ARAP1: variants seen among roughly 807,000 people sequenced by gnomAD.
ARAP1 encodes the protein ArfGAP with RhoGAP domain, ankyrin repeat and PH domain 1, also known as arf-GAP with Rho-GAP domain, ANK repeat and PH domain-containing protein 1.
A neutral mutation model predicts 172.2 loss-of-function variants in ARAP1; 76 were observed. The observed-to-expected ratio is 0.44, with a 90% CI of 0.37 to 0.53. The LOEUF is 0.53. Among genes scored for constraint, ARAP1 ranks in the 20% least tolerant of loss-of-function variants. ARAP1 has a pLI of 0.00. For missense variants in ARAP1, 1,686 were observed against 1,977.5 expected (o/e 0.85, Z 2.80); for synonymous variants, 804 against 803.3 (o/e 1.00, Z -0.01).
At position 72,726,701 on chromosome 11, in the gene ARAP1, G is replaced by A. The variant is rs372690916; in HGVS notation, c.428C>T (p.Pro143Leu). Residue 143 changes from proline to leucine, a missense_variant, in exon 3 of 35, where the codon CCG (proline) becomes CTG (leucine). Transcript: ENST00000393609. The surrounding 1 kb of genome is among the most constrained non-coding windows in gnomAD (Gnocchi z 6.5). ...STAAPDPVLP[P>L]LPAKRHLAEL... Reference sequence around the variant, plus strand: ...TGCCAAATGCCGCTTAGCAGGCAGCGGGGGCAGCACAGGGTCTGGGGCAGC... The same window carrying A: ...TGCCAAATGCCGCTTAGCAGGCAGCAGGGGCAGCACAGGGTCTGGGGCAGC... The A allele has an allele frequency of 1.1e-4, 175 of 1,548,026 alleles. No individual in the cohort carries two copies. The African/African-American group carries it at 2.1e-3, about 18-fold the overall frequency.
chr11:72,702,203 C>T (rs1195340340), intron 15 of ARAP1, among the ~76,000 whole-genome samples: 1 of 152,206 alleles, frequency 6.6e-6, no homozygotes, highest in Non-Finnish European at 1.5e-5. Context: ...CGGTCAGCGC[C>T]GTGGGGGGGC....
Position 72,726,796 on chromosome 11 carries a change from G to A in ARAP1, c.333C>T (p.Leu111=). ...PLPTTTEDEG[L]PAAPPIPPRR... ...GGGGCGGGATGGGTGGGGCAGCGGG[G>A]AGCCCCTCATCCTCTGTAGTGGTGG... The change falls in exon 3 of 35, where the codon CTC becomes CTT. Residue 111 remains leucine (L), a synonymous_variant. Coordinates refer to ENST00000393609, the MANE Select transcript of ARAP1 (RefSeq NM_001040118.3). The surrounding 1 kb of genome is among the most constrained non-coding windows in gnomAD (Gnocchi z 6.5). 1.3e-6 allele frequency: 2 copies of A among 1,553,758 alleles called. No homozygotes were observed. The highest frequency in any genetic ancestry group is 4.8e-5 in the East Asian group (2 of 41,364).
At chr11:72,730,741 A>G (rs1443308684) in intron 2 of ARAP1, among the ~76,000 whole-genome samples, 5 of 152,200 alleles carry the variant, frequency 3.3e-5, no homozygotes, top group Non-Finnish European at 7.3e-5. Flanking sequence ...AGCCACCCAT[A>G]GGCACTTAGC....
rs892460893 is a variant in ARAP1, at chr11:72,734,246, G to A, written c.-127-1649C>T. 5.7e-4 allele frequency among the ~76,000 whole-genome samples: 86 copies of A among 152,106 alleles called. 2 individuals carry two copies. Among genetic ancestry groups the A allele is most frequent in the Admixed American group, 2.8e-3 (43 of 15,268 alleles). ...AGCAATCTTCCTGCCTCAGCCTCCT[G>A]AGTAGCTGGAACTACAAGTGCATGC... On this transcript the variant is annotated intron_variant, in intron 1 of 34. Coordinates refer to ENST00000393609, the MANE Select transcript of ARAP1 (RefSeq NM_001040118.3).
At chr11:72,746,157 C>G (rs1385044479) in intron 1 of ARAP1, among the ~76,000 whole-genome samples, 1 of 152,176 alleles carries the variant, frequency 6.6e-6, no homozygotes, top group African/African-American at 2.4e-5. Flanking sequence ...CACCAGCCCT[C>G]CCCAACCCCG....
intron 34 of ARAP1, 60 bp from the exon 35 acceptor site, chr11:72,685,741 G>A (rs561230618): frequency 8.4e-5 from 135 of 1,601,480 alleles, no homozygotes; most frequent in South Asian, 1.2e-4. Context: ...CTGGCGCCCC[G>A]CTGAAGCTGC....
At chr11:72,745,355 ATTT>A (rs35656290) in intron 1 of ARAP1, among the ~76,000 whole-genome samples, 6 of 110,742 alleles carry the variant, frequency 5.4e-5, no homozygotes, top group African/African-American at 2.1e-4. Flanking sequence ...CGTCCGGCTA[ATTT>A]TTTTTTTTTT....
At chr11:72,712,938 G>T in intron 5 of ARAP1, 1 of 600,218 alleles carries the variant, frequency 1.7e-6, no homozygotes, top group Non-Finnish European at 3.0e-6. Context: ...GAGGCCACAT[G>T]CCCACCCACA....
Position 72,707,392 on chromosome 11 carries a change from G to A in ARAP1, c.1524-18C>T, listed in dbSNP as rs1187172361. ...CAGAGAAGCTGGGGACATAGGGGTGGGGAGATTAGTGGGGATGGACTCAGA... is the reference window on the plus strand; with the variant it reads ...CAGAGAAGCTGGGGACATAGGGGTGAGGAGATTAGTGGGGATGGACTCAGA... On this transcript the variant is annotated intron_variant, in intron 11 of 34. Coordinates refer to ENST00000393609, the MANE Select transcript of ARAP1 (RefSeq NM_001040118.3). 1 of 1,603,178 alleles carries A rather than the reference G, an allele frequency of 6.2e-7. No homozygotes were observed. The highest frequency in any genetic ancestry group is 8.5e-7 in the Non-Finnish European group (1 of 1,173,538).
At position 72,695,470 on chromosome 11, in the gene ARAP1, G is replaced by A. The variant is rs781710172; in HGVS notation, c.3508-15C>T. 2 of 1,614,228 alleles carry A rather than the reference G, an allele frequency of 1.2e-6. No individual in the cohort carries two copies. The highest frequency in any genetic ancestry group is 2.2e-5 in the South Asian group (2 of 91,088). On this transcript the variant is annotated splice_polypyrimidine_tract_variant and intron_variant, in intron 25 of 34. Transcript: ENST00000393609. The surrounding 1 kb of genome is among the most constrained non-coding windows in gnomAD (Gnocchi z 4.4). ...TCACCGGCATGCTGCAGGGAGACAG[G>A]GCTCAGCTGGGGGCCTAGGAAATGG...
chr11:72,751,864 G>C (rs1331140987), intron 1 of ARAP1, among the ~76,000 whole-genome samples: 1 of 152,210 alleles, frequency 6.6e-6, no homozygotes, highest in African/African-American at 2.4e-5. Context: ...GGCCAGGTAG[G>C]GGCTCTGGGG....
chr11:72,692,627 G>A (rs1250665252), intron 30 of ARAP1, 126 bp downstream of exon 30: 1 of 1,295,760 alleles, frequency 7.7e-7, no homozygotes, highest in African/African-American at 1.5e-5. Context: ...AGTGCCAACG[G>A]GCAAGGGGGC....
chr11:72,746,013 CCA>C (rs1858355169), intron 1 of ARAP1, among the ~76,000 whole-genome samples: 1 of 152,208 alleles, frequency 6.6e-6, no homozygotes, highest in Non-Finnish European at 1.5e-5. Flanking sequence ...TGATCTCTGT[CCA>C]CCACCTTCTG....
chr11:72,702,095 G>A (rs1856513763), intron 15 of ARAP1, among the ~76,000 whole-genome samples: 1 of 152,228 alleles, frequency 6.6e-6, no homozygotes, highest in African/African-American at 2.4e-5. Context: ...CTGGCATGAG[G>A]GGGGCATTGG....
intron 13 of ARAP1, 65 bp from the exon 14 acceptor site, chr11:72,704,399 T>C: frequency 6.8e-7 from 1 of 1,462,798 alleles, no homozygotes; most frequent in African/African-American, 1.4e-5. Context: ...GGGCAGAAAC[T>C]TGGTTTCTGA....
rs1305951061 is a variant in ARAP1 at position 72,696,762 on chromosome 11, T to C, written c.3167-108A>G. 4.9e-6 allele frequency: 5 copies of C among 1,019,630 alleles called. No individual in the cohort carries two copies. The African/African-American group carries it at 6.5e-5, about 13-fold the overall frequency. 63.2% of individuals were successfully genotyped at this position (1,019,630 alleles called of 1,614,324 possible). A position where few individuals can be genotyped will look rare whatever the true frequency, so the allele number is the denominator to read the frequency against. On this transcript the variant is annotated intron_variant, in intron 22 of 34. Transcript: ENST00000393609. ...GTGGGTGACAGCAGTCCCTGTGCCC[T>C]CCAAGTCAATGCAGGCCAGGCATTC... is the stretch of plus-strand genomic sequence containing the variant.
chr11:72,724,078 A>C (rs1201782498), intron 3 of ARAP1, among the ~76,000 whole-genome samples: 9 of 152,132 alleles, frequency 5.9e-5, no homozygotes, highest in Admixed American at 5.2e-4. Flanking sequence ...CACCACTGAA[A>C]CTGCACAAAT....
At chr11:72,719,385 G>C (rs1780760253) in intron 3 of ARAP1, among the ~76,000 whole-genome samples, 1 of 152,250 alleles carries the variant, frequency 6.6e-6, no homozygotes. Context: ...AATGAGATGT[G>C]TGGTTACTCA....
rs144234265 is a variant in ARAP1, at chr11:72,695,799, C to T, written c.3339G>A (p.Thr1113=). Reference sequence around the variant, plus strand: ...AGTCCTGCCCATCTGTCTGGAAGAGCGTGGGCCCAAACACAATTGCCAGGT... The same window carrying T: ...AGTCCTGCCCATCTGTCTGGAAGAGTGTGGGCCCAAACACAATTGCCAGGT... ...VHNLAIVFGP[T]LFQTDGQDYK... The change falls in exon 24 of 35, where the codon ACG becomes ACA. Residue 1113 remains threonine, a synonymous_variant. Transcript: ENST00000393609. This position sits in a 1 kb window ranked among gnomAD's most constrained non-coding sequence, Gnocchi z 4.4. The T allele has an allele frequency of 9.3e-6, 15 of 1,614,154 alleles. No homozygotes were observed. In the Middle Eastern group the frequency reaches 4.9e-4, roughly 53 times the overall value.
Sources: gnomAD v4.1 joint callset for allele counts (sites outside exome capture counted in the v4.1 genomes callset) on GRCh38, gnomAD v4.1.1 for gene constraint, Gnocchi (gnomAD v3.1) non-coding constraint, MANE v1.5 for transcripts, NCBI Gene and HGNC (gene_info 2026-07-23, HGNC 2026-07-21) for gene names.